UTRN: variants seen among roughly 807,000 people sequenced by gnomAD.
UTRN encodes the protein utrophin, also known as dystrophin-related protein 1.
Under a neutral mutation model 463.9 loss-of-function variants are expected in UTRN, and 283 were observed. The ratio of observed to expected loss-of-function variants is 0.61; its 90% CI spans 0.55 to 0.67. UTRN has a LOEUF of 0.67. UTRN is among the 30% of genes least tolerant of loss of function. The probability of loss-of-function intolerance (pLI) is 0.00; values close to 1 mark genes in which losing one functional copy is unlikely to be tolerated. For missense variants in UTRN, 3,922 were observed against 4,084.3 expected (o/e 0.96, Z 1.08); for synonymous variants, 1,442 against 1,431.5 (o/e 1.01, Z -0.17).
intron 51 of UTRN, among the ~76,000 whole-genome samples, chr6:144,604,779 G>T (rs1382468047): frequency 6.6e-6 from 1 of 152,078 alleles, no homozygotes; most frequent in African/African-American, 2.4e-5. Flanking sequence ...GCCGGGCATG[G>T]TGGCAGGCAT....
intron 2 of UTRN, among the ~76,000 whole-genome samples, chr6:144,377,541 CTG>C (rs1354658382): frequency 6.6e-6 from 1 of 152,162 alleles, no homozygotes; most frequent in Non-Finnish European, 1.5e-5. Context: ...GCCTGAGAGT[CTG>C]TGTGTATGAA....
intron 54 of UTRN, among the ~76,000 whole-genome samples, chr6:144,735,429 T>C (rs1433988246): frequency 2.0e-5 from 3 of 152,032 alleles, no homozygotes; most frequent in African/African-American, 7.2e-5. Flanking sequence ...GTTGCCAGAG[T>C]CTTGTGCCTG....
intron 48 of UTRN, 92 bp from the exon 49 acceptor site, chr6:144,554,596 C>A: frequency 7.3e-7 from 1 of 1,370,444 alleles, no homozygotes; most frequent in Non-Finnish European, 1.0e-6. Flanking sequence ...TGTTTATAGA[C>A]TTATTTGTGA....
chr6:144,744,989 G>A (rs1161449595), intron 54 of UTRN, among the ~76,000 whole-genome samples: 1 of 152,084 alleles, frequency 6.6e-6, no homozygotes, highest in Non-Finnish European at 1.5e-5. Context: ...GGGGAGCTTT[G>A]GCATCTATCT....
In UTRN at chr6:144,543,541, C is replaced by G. The variant is rs1006225919; in HGVS notation, c.6595+671C>G. Among the ~76,000 whole-genome samples, 3 of 152,144 alleles carry G rather than the reference C, an allele frequency of 2.0e-5. 1 individual carries two copies. Among genetic ancestry groups the G allele is most frequent in the Admixed American group, 2.0e-4 (3 of 15,274 alleles). The stretch of plus-strand genomic sequence containing the variant: ...AAACCGCAAATGTGACCAACTCTAA[C>G]TGTCCACTCACTCCCTGACAGCTGC... On this transcript the variant is annotated intron_variant, in intron 46 of 74. Coordinates refer to ENST00000367545, the MANE Select transcript of UTRN (RefSeq NM_007124.3).
chr6:144,445,050 T>TA (rs1787523325), intron 14 of UTRN, among the ~76,000 whole-genome samples: 1 of 152,090 alleles, frequency 6.6e-6, no homozygotes, highest in African/African-American at 2.4e-5. Flanking sequence ...AGTTGTGGTT[T>TA]AAAAAATAAG....
intron 60 of UTRN, among the ~76,000 whole-genome samples, chr6:144,774,606 A>T (rs1586510348): frequency 1.3e-5 from 2 of 152,190 alleles, no homozygotes; most frequent in Admixed American, 6.5e-5. Context: ...GGAGTAATGT[A>T]AAAAGCTTTT....
At chr6:144,736,229 T>C (rs776992478) in intron 54 of UTRN, among the ~76,000 whole-genome samples, 2 of 152,196 alleles carry the variant, frequency 1.3e-5, no homozygotes, top group Non-Finnish European at 1.5e-5. Context: ...GTAGCAAGCA[T>C]TTGAACATTA....
chr6:144,493,373 C>T lies in UTRN; in HGVS notation c.4510C>T (p.Gln1504Ter), dbSNP rs760400397. Residue 1504 changes from glutamine to a stop codon, truncating the protein, a stop_gained, in exon 33 of 75, where the codon CAG becomes TAG. Coordinates refer to ENST00000367545, the MANE Select transcript of UTRN (RefSeq NM_007124.3). LOFTEE classifies it high-confidence loss of function. ...TVIKTGRHIV[Q>*]KQQTDNPKGM... ...GATTAAAACAGGAAGACATATTGTC[C>T]AGAAACAGCAAACGGACAACCCAAA... 1 of 1,614,044 alleles carries T rather than the reference C, an allele frequency of 6.2e-7. No homozygotes were observed. The highest frequency in any genetic ancestry group is 8.5e-7 in the Non-Finnish European group (1 of 1,179,978).
intron 50 of UTRN, among the ~76,000 whole-genome samples, chr6:144,569,962 C>T (rs1439440176): frequency 6.6e-5 from 10 of 152,190 alleles, no homozygotes; most frequent in Non-Finnish European, 1.5e-5. Flanking sequence ...CCTAGACCCT[C>T]CAGAAATAAA....
intron 28 of UTRN, among the ~76,000 whole-genome samples, chr6:144,485,976 T>C (rs1401295622): frequency 6.6e-6 from 1 of 152,222 alleles, no homozygotes; most frequent in Non-Finnish European, 1.5e-5. Context: ...TCGTAGGAGC[T>C]TGTCTTCAAG....
chr6:144,587,711 C>A (rs1403385392), intron 51 of UTRN, among the ~76,000 whole-genome samples: 1 of 152,018 alleles, frequency 6.6e-6, no homozygotes, highest in African/African-American at 2.4e-5. Context: ...ACAATTAAAT[C>A]CTGAAGTGAT....
intron 44 of UTRN, among the ~76,000 whole-genome samples, chr6:144,538,424 C>T (rs1011129401): frequency 1.3e-5 from 2 of 151,772 alleles, no homozygotes; most frequent in African/African-American, 4.8e-5. Flanking sequence ...AATCCCAGCA[C>T]TTTGGGAGGC....
intron 46 of UTRN, among the ~76,000 whole-genome samples, chr6:144,544,934 G>T (rs978771957): frequency 1.7e-4 from 26 of 151,356 alleles, no homozygotes; most frequent in Non-Finnish European, 1.3e-4. Context: ...GAAGCATGTA[G>T]CTCTAGTCTA....
At chr6:144,760,366 G>A (rs1792518173) in intron 58 of UTRN, among the ~76,000 whole-genome samples, 1 of 152,142 alleles carries the variant, frequency 6.6e-6, no homozygotes, top group Non-Finnish European at 1.5e-5. Flanking sequence ...ATAACGTTTA[G>A]GACTGTAGCA....
At chr6:144,500,213 C>G (rs1273824224) in intron 34 of UTRN, among the ~76,000 whole-genome samples, 2 of 152,208 alleles carry the variant, frequency 1.3e-5, no homozygotes, top group African/African-American at 4.8e-5. Flanking sequence ...AGAGGCTGAA[C>G]TAATTTACAT....
intron 17 of UTRN, among the ~76,000 whole-genome samples, chr6:144,449,112 G>A (rs952246412): frequency 1.3e-5 from 2 of 152,012 alleles, no homozygotes; most frequent in South Asian, 2.1e-4. Context: ...GTCACAACTC[G>A]ACAGTGACCT....
At chr6:144,529,123 C>T (rs1358642800) in intron 41 of UTRN, among the ~76,000 whole-genome samples, 2 of 152,298 alleles carry the variant, frequency 1.3e-5, no homozygotes, top group East Asian at 1.9e-4. Flanking sequence ...ATGCAGCCCA[C>T]GGCCCAAAAG....
At chr6:144,645,067 G>A (rs1778155007) in intron 51 of UTRN, among the ~76,000 whole-genome samples, 1 of 152,118 alleles carries the variant, frequency 6.6e-6, no homozygotes, top group African/African-American at 2.4e-5. Flanking sequence ...CACCTGTGGT[G>A]GGCCATAGCA....
Sources: gnomAD v4.1 joint callset for allele counts (sites outside exome capture counted in the v4.1 genomes callset) on GRCh38, gnomAD v4.1.1 for gene constraint, MANE v1.5 for transcripts, NCBI Gene and HGNC (gene_info 2026-07-23, HGNC 2026-07-21) for gene names.